The following XKR4 variants were observed in gnomAD, a reference collection of about 807,000 sequenced individuals.
XKR4 encodes XK related 4, also known as XK-related protein 4.
Under a neutral mutation model 53.9 loss-of-function variants are expected in XKR4, and 12 were observed. The observed-to-expected ratio is 0.22, with a 90% CI of 0.14 to 0.36. The LOEUF is 0.36. Among genes scored for constraint, XKR4 ranks in the 10% least tolerant of loss-of-function variants. The pLI is 1.00. For synonymous variants in XKR4, 354 were observed against 362.4 expected, an observed-to-expected ratio of 0.98 and a Z score of 0.26; for missense variants, 799 against 859.5, an observed-to-expected ratio of 0.93 and a Z score of 0.88.
intron 1 of XKR4, among the ~76,000 whole-genome samples, chr8:55,312,675 A>G (rs1020299399): frequency 1.3e-5 from 2 of 152,242 alleles, no homozygotes; most frequent in Non-Finnish European, 2.9e-5. Flanking sequence ...ACGCCCATCA[A>G]GATCTTATTT....
intron 1 of XKR4, among the ~76,000 whole-genome samples, chr8:55,141,645 T>TTTCTCTCTCTCTCTCTCTCTCTC (rs1554562802): frequency 8.9e-6 from 1 of 111,930 alleles, no homozygotes; most frequent in African/African-American, 3.5e-5. Context: ...GTGCTTCTGC[T>TTTCTCTCTCTCTCTCTCTCTCTC]TCTCTCTCTC....
chr8:55,314,873 C>T (rs1399720336), intron 1 of XKR4, among the ~76,000 whole-genome samples: 1 of 152,094 alleles, frequency 6.6e-6, no homozygotes, highest in Non-Finnish European at 1.5e-5. Context: ...AGTGGCAGCT[C>T]AGTGTGGAGA....
chr8:55,222,210 A>G (rs966614400), intron 1 of XKR4, among the ~76,000 whole-genome samples: 7 of 152,208 alleles, frequency 4.6e-5, no homozygotes, highest in Non-Finnish European at 8.8e-5. Context: ...CATTTAAACC[A>G]TGACCCAGGG....
intron 1 of XKR4, among the ~76,000 whole-genome samples, chr8:55,280,356 C>A (rs1017935839): frequency 6.6e-6 from 1 of 151,970 alleles, no homozygotes; most frequent in Admixed American, 6.6e-5. Flanking sequence ...ATGGGAAAAC[C>A]CACTAGGTAA....
At chr8:55,462,322 A>G (rs1182127758) in intron 2 of XKR4, among the ~76,000 whole-genome samples, 3 of 152,244 alleles carry the variant, frequency 2.0e-5, no homozygotes, top group Non-Finnish European at 4.4e-5. Context: ...CCAATATTCA[A>G]CATTCTTAAA....
chr8:55,393,044 G>A (rs1585553073), intron 2 of XKR4, among the ~76,000 whole-genome samples: 1 of 152,066 alleles, frequency 6.6e-6, no homozygotes, highest in East Asian at 1.9e-4. Flanking sequence ...AAGAATAATA[G>A]AATTAGAAGC....
At chr8:55,202,224 T>G (rs1755714093) in intron 1 of XKR4, among the ~76,000 whole-genome samples, 1 of 152,166 alleles carries the variant, frequency 6.6e-6, no homozygotes, top group African/African-American at 2.4e-5. Flanking sequence ...GTCGGGGGTA[T>G]GAGGGACCTG....
intron 1 of XKR4, among the ~76,000 whole-genome samples, chr8:55,212,031 G>A (rs1436698458): frequency 6.6e-6 from 1 of 152,020 alleles, no homozygotes; most frequent in African/African-American, 2.4e-5. Flanking sequence ...GGAGCTTCCA[G>A]GTCATAGGTG....
At chr8:55,230,634 C>T (rs1818023043) in intron 1 of XKR4, among the ~76,000 whole-genome samples, 1 of 152,138 alleles carries the variant, frequency 6.6e-6, no homozygotes, top group African/African-American at 2.4e-5. Context: ...TCCCAAAGTG[C>T]TGGGATTATA....
At chr8:55,312,610 A>G (rs1344042690) in intron 1 of XKR4, among the ~76,000 whole-genome samples, 1 of 152,216 alleles carries the variant, frequency 6.6e-6, no homozygotes, top group African/African-American at 2.4e-5. Flanking sequence ...CATGAATACC[A>G]AAATTCTTTA....
intron 1 of XKR4, among the ~76,000 whole-genome samples, chr8:55,117,166 A>G (rs1816321555): frequency 6.6e-6 from 1 of 152,172 alleles, no homozygotes; most frequent in Non-Finnish European, 1.5e-5. Flanking sequence ...TGTGGCTTGC[A>G]TTATTCTATT....
chr8:55,513,253 A>G (rs1048035873), intron 2 of XKR4, among the ~76,000 whole-genome samples: 1 of 152,196 alleles, frequency 6.6e-6, no homozygotes, highest in Non-Finnish European at 1.5e-5. Context: ...CTCATTACAC[A>G]TTCCCCTAAA....
rs1807041042 is a variant in XKR4, at chr8:55,537,103, A to G, written c.*12876A>G. ...AAGTAAAAGCTATTTTTCCCAAAAC[A>G]AACAAAATACCATACATAGTTTTTT... On this transcript the variant is annotated 3_prime_UTR_variant, in exon 3 of 3. Transcript: ENST00000327381. 1 of 152,254 alleles carries G rather than the reference A, an allele frequency of 6.6e-6. No homozygotes were observed. The highest frequency in any genetic ancestry group is 6.5e-5 in the Admixed American group (1 of 15,286). The allele number at this position is 152,254 out of a possible 1,614,324, so 9.4% of individuals were successfully genotyped here. A position where few individuals can be genotyped will look rare whatever the true frequency, so the allele number is the denominator to read the frequency against.
At chr8:55,419,241 C>T (rs973207260) in intron 2 of XKR4, among the ~76,000 whole-genome samples, 1 of 152,040 alleles carries the variant, frequency 6.6e-6, no homozygotes, top group Admixed American at 6.6e-5. Context: ...AAAAAATTAG[C>T]CGGAGTGGTG....
intron 1 of XKR4, among the ~76,000 whole-genome samples, chr8:55,147,928 G>C (rs1585904583): frequency 6.6e-6 from 1 of 152,134 alleles, no homozygotes; most frequent in African/African-American, 2.4e-5. Context: ...ATCCATAGCT[G>C]TCTCTGTCTC....
rs1472872812 is a variant in XKR4 at position 55,478,363 on chromosome 8, AC to A, written c.1007-44916del. Among the ~76,000 whole-genome samples, 239 of 152,164 alleles carry A rather than the reference AC, an allele frequency of 1.6e-3. 5 individuals are homozygous for A. The highest frequency in any genetic ancestry group is 5.2e-3 in the African/African-American group (217 of 41,468). On this transcript the variant is annotated intron_variant, in intron 2 of 2. Transcript: ENST00000327381. The stretch of plus-strand genomic sequence containing the variant: ...CAAGCAAATGCTGAGAGATTTTGTC[AC>A]CACCAGGCCTGCCCTAAAAGAGCTC...
intron 2 of XKR4, among the ~76,000 whole-genome samples, chr8:55,460,035 A>T (rs1805630445): frequency 6.7e-6 from 1 of 148,998 alleles, no homozygotes; most frequent in Non-Finnish European, 1.5e-5. Context: ...CCAAATGTCC[A>T]TCAACTGGTG....
intron 1 of XKR4, among the ~76,000 whole-genome samples, chr8:55,242,490 G>A (rs1482507895): frequency 6.6e-6 from 1 of 152,150 alleles, no homozygotes; most frequent in African/African-American, 2.4e-5. Context: ...CAAGAAGGAA[G>A]CATAGACAAG....
chr8:55,134,122 C>T (rs1446136164), intron 1 of XKR4, among the ~76,000 whole-genome samples: 3 of 152,174 alleles, frequency 2.0e-5, no homozygotes, highest in East Asian at 1.9e-4. Flanking sequence ...CATGTCCTCA[C>T]AATGCTAAAT....
Sources: allele counts gnomAD v4.1 joint callset (sites outside exome capture counted in the v4.1 genomes callset), GRCh38; gene constraint gnomAD v4.1.1; transcripts MANE v1.5; gene names NCBI Gene and HGNC (gene_info 2026-07-23, HGNC 2026-07-21).